The following NTNG1 variants were observed in gnomAD, a reference collection of about 807,000 sequenced individuals.
NTNG1 encodes netrin-G1.
Under a neutral mutation model 54.0 loss-of-function variants are expected in NTNG1, and 16 were observed. That is an observed-to-expected ratio of 0.30 (90% confidence interval 0.20 to 0.45). NTNG1 has a LOEUF of 0.45. Ranked by LOEUF, NTNG1 falls within the 20% of genes least tolerant of loss-of-function variation. NTNG1 has a pLI of 1.00. For synonymous variants in NTNG1, 255 were observed against 263.1 expected, an observed-to-expected ratio of 0.97 and a Z score of 0.30; for missense variants, 530 against 678.7, an observed-to-expected ratio of 0.78 and a Z score of 2.43.
At chr1:107,217,425 T>A (rs1412013682) in intron 2 of NTNG1, among the ~76,000 whole-genome samples, 1 of 152,178 alleles carries the variant, frequency 6.6e-6, no homozygotes, top group Non-Finnish European at 1.5e-5. Flanking sequence ...TTTGGATTTT[T>A]TGTTTGTTTA....
At chr1:107,340,825 T>C (rs1042202816) in intron 3 of NTNG1, among the ~76,000 whole-genome samples, 2 of 152,058 alleles carry the variant, frequency 1.3e-5, no homozygotes, top group African/African-American at 2.4e-5. Flanking sequence ...AAAAATCACA[T>C]AATTTAAACA....
At chr1:107,143,866 C>A (rs1308760725) in intron 1 of NTNG1, among the ~76,000 whole-genome samples, 1 of 152,066 alleles carries the variant, frequency 6.6e-6, no homozygotes, top group Admixed American at 6.5e-5. Flanking sequence ...AATCATCCTG[C>A]AAAACATGTG....
chr1:107,403,825 A>AC (rs1189690255), intron 4 of NTNG1, among the ~76,000 whole-genome samples: 1 of 152,120 alleles, frequency 6.6e-6, no homozygotes, highest in Non-Finnish European at 1.5e-5. Flanking sequence ...ATGGACTTGG[A>AC]CAAGGCACTT....
chr1:107,227,147 T>C (rs945714121), intron 2 of NTNG1, among the ~76,000 whole-genome samples: 1 of 152,090 alleles, frequency 6.6e-6, no homozygotes, highest in Non-Finnish European at 1.5e-5. Flanking sequence ...TGGGCAATTA[T>C]TTAATCTCTG....
At chr1:107,346,225 G>C (rs1669216628) in intron 3 of NTNG1, among the ~76,000 whole-genome samples, 7 of 152,170 alleles carry the variant, frequency 4.6e-5, no homozygotes, top group Admixed American at 4.6e-4. Context: ...GAAGAAGATT[G>C]ATCCCTGATC....
At chr1:107,343,414 T>C (rs1304727918) in intron 3 of NTNG1, among the ~76,000 whole-genome samples, 3 of 152,006 alleles carry the variant, frequency 2.0e-5, no homozygotes, top group African/African-American at 7.2e-5. Flanking sequence ...AAATTAACTA[T>C]GGATGAAGAT....
chr1:107,362,301 A>G (rs778305592), intron 3 of NTNG1, among the ~76,000 whole-genome samples: 6 of 152,220 alleles, frequency 3.9e-5, no homozygotes, highest in Non-Finnish European at 8.8e-5. Context: ...TGGATGCACT[A>G]GCTGGCAGCT....
chr1:107,269,442 T>G (rs888813414), intron 2 of NTNG1, among the ~76,000 whole-genome samples: 2 of 152,220 alleles, frequency 1.3e-5, no homozygotes, highest in Non-Finnish European at 2.9e-5. Context: ...TTTTTCCCCG[T>G]AACAGTTACT....
intron 2 of NTNG1, among the ~76,000 whole-genome samples, chr1:107,168,192 T>A (rs1655951938): frequency 6.6e-6 from 1 of 151,864 alleles, no homozygotes; most frequent in Admixed American, 6.6e-5. Context: ...TCCTTCCTTC[T>A]TTCTCTTTTT....
chr1:107,232,794 T>C (rs1224031099), intron 2 of NTNG1, among the ~76,000 whole-genome samples: 2 of 152,184 alleles, frequency 1.3e-5, no homozygotes, highest in Non-Finnish European at 2.9e-5. Flanking sequence ...TTTTGTAATA[T>C]AATAGTCTAG....
rs533272024 is a variant in NTNG1 at position 107,354,323 on chromosome 1, G to A, written c.887+29401G>A. Among the ~76,000 whole-genome samples, 5 of 151,860 alleles carry A rather than the reference G, an allele frequency of 3.3e-5. No individual in the cohort carries two copies. In the East Asian group the frequency reaches 9.8e-4, roughly 30 times the overall value. On this transcript the variant is annotated intron_variant, in intron 3 of 7. Transcript: ENST00000370068. ...GTCTCTACTAAAAATACAAAAATTAGCCGAGCGTGGTGGCAGGCACCTGTA... is the reference window on the plus strand; with the variant it reads ...GTCTCTACTAAAAATACAAAAATTAACCGAGCGTGGTGGCAGGCACCTGTA...
chr1:107,322,123 T>A (rs1228468911), intron 2 of NTNG1, among the ~76,000 whole-genome samples: 2 of 152,140 alleles, frequency 1.3e-5, no homozygotes, highest in African/African-American at 2.4e-5. Context: ...AAAATAGGTT[T>A]GTTAGTATTG....
intron 2 of NTNG1, among the ~76,000 whole-genome samples, chr1:107,270,911 C>T (rs1229194037): frequency 6.6e-6 from 1 of 151,944 alleles, no homozygotes; most frequent in African/African-American, 2.4e-5. Flanking sequence ...CAGAACAATA[C>T]ACAACATATA....
intron 5 of NTNG1, among the ~76,000 whole-genome samples, chr1:107,429,140 C>T (rs1278923190): frequency 6.6e-6 from 1 of 151,992 alleles, no homozygotes; most frequent in Non-Finnish European, 1.5e-5. Context: ...AGCATCCCCC[C>T]TTTCTTCTTG....
At chr1:107,278,685 T>C (rs952823363) in intron 2 of NTNG1, among the ~76,000 whole-genome samples, 3 of 152,182 alleles carry the variant, frequency 2.0e-5, no homozygotes, top group Non-Finnish European at 4.4e-5. Flanking sequence ...CTATGAAATA[T>C]GAGGATCTAA....
intron 7 of NTNG1, among the ~76,000 whole-genome samples, chr1:107,478,487 C>T (rs777800272): frequency 4.6e-5 from 7 of 151,948 alleles, no homozygotes; most frequent in Admixed American, 6.6e-5. Context: ...AAAAAAGAAA[C>T]CTCTGTTCAA....
chr1:107,403,377 T>C (rs750673855), intron 4 of NTNG1, among the ~76,000 whole-genome samples: 1 of 152,146 alleles, frequency 6.6e-6, no homozygotes, highest in Non-Finnish European at 1.5e-5. Flanking sequence ...AGAAGCGTTA[T>C]TATTAAAATA....
intron 2 of NTNG1, among the ~76,000 whole-genome samples, chr1:107,168,347 G>T (rs1655968863): frequency 6.6e-6 from 1 of 151,746 alleles, no homozygotes; most frequent in African/African-American, 2.4e-5. Flanking sequence ...TCTACAATTA[G>T]TTATTAATCG....
intron 3 of NTNG1, among the ~76,000 whole-genome samples, chr1:107,383,390 T>C (rs928101642): frequency 6.6e-6 from 1 of 152,156 alleles, no homozygotes; most frequent in Non-Finnish European, 1.5e-5. Flanking sequence ...TCCAAGGAAG[T>C]ATATAAGAAA....
Sources: gnomAD v4.1 joint callset for allele counts (sites outside exome capture counted in the v4.1 genomes callset) on GRCh38, gnomAD v4.1.1 for gene constraint, MANE v1.5 for transcripts, NCBI Gene and HGNC (gene_info 2026-07-23, HGNC 2026-07-21) for gene names.